Variants in GPC5 observed in about 807,000 individuals in gnomAD.
GPC5 encodes glypican 5.
A neutral mutation model predicts 53.9 loss-of-function variants in GPC5; 47 were observed. The observed-to-expected ratio is 0.87, with a 90% CI of 0.69 to 1.11. The LOEUF is 1.11. Ranked by LOEUF, GPC5 falls within the 50% of genes most tolerant of loss-of-function variation. The pLI is 0.00. For synonymous variants in GPC5, 286 were observed against 263.3 expected (o/e 1.09, Z -0.84); for missense variants, 748 against 713.1 (o/e 1.05, Z -0.56).
chr13:92,649,631 GA>G (rs1885889661), intron 7 of GPC5, among the ~76,000 whole-genome samples: 1 of 151,906 alleles, frequency 6.6e-6, no homozygotes, highest in African/African-American at 2.4e-5. Context: ...TTTTACTAGA[GA>G]AAAAAGCAAA....
intron 7 of GPC5, among the ~76,000 whole-genome samples, chr13:92,542,213 A>G (rs1881953269): frequency 6.6e-6 from 1 of 151,938 alleles, no homozygotes; most frequent in Non-Finnish European, 1.5e-5. Context: ...TCTCCCACCT[A>G]TTTGAAAATA....
At chr13:91,563,887 G>C (rs538106907) in intron 2 of GPC5, among the ~76,000 whole-genome samples, 2 of 151,968 alleles carry the variant, frequency 1.3e-5, no homozygotes, top group Non-Finnish European at 2.9e-5. Context: ...CCGGAGGACC[G>C]GGGAGGAGGG....
intron 7 of GPC5, among the ~76,000 whole-genome samples, chr13:92,431,434 T>A (rs2139374365): frequency 1.3e-5 from 2 of 149,930 alleles, no homozygotes; most frequent in Middle Eastern, 7.0e-3. Flanking sequence ...AAAGTCTCTG[T>A]GAAGAGGTAA....
At chr13:92,531,697 C>T (rs1420060559) in intron 7 of GPC5, among the ~76,000 whole-genome samples, 2 of 152,150 alleles carry the variant, frequency 1.3e-5, no homozygotes, top group African/African-American at 4.8e-5. Context: ...CATAGGATTC[C>T]ATTGCCTCTG....
chr13:91,792,805 G>A (rs760202627), intron 5 of GPC5, among the ~76,000 whole-genome samples: 21 of 152,138 alleles, frequency 1.4e-4, no homozygotes, highest in Non-Finnish European at 2.6e-4. Context: ...TGTATAAAAT[G>A]CATGTGGTTG....
chr13:91,631,894 T>C (rs930014553), intron 2 of GPC5, among the ~76,000 whole-genome samples: 11 of 152,032 alleles, frequency 7.2e-5, no homozygotes, highest in African/African-American at 2.7e-4. Context: ...CCTGGAGAGA[T>C]AGGAAAGGGA....
chr13:92,778,523 A>G (rs1224978986), intron 7 of GPC5, among the ~76,000 whole-genome samples: 1 of 152,228 alleles, frequency 6.6e-6, no homozygotes, highest in Non-Finnish European at 1.5e-5. Context: ...TAAGAAACAG[A>G]TAACATGTAC....
chr13:92,334,414 A>G (rs2043308612), intron 7 of GPC5, among the ~76,000 whole-genome samples: 1 of 152,156 alleles, frequency 6.6e-6, no homozygotes. Flanking sequence ...ACACATGGGG[A>G]TTAAGGGAGC....
intron 7 of GPC5, among the ~76,000 whole-genome samples, chr13:92,363,653 C>T (rs921065509): frequency 5.3e-5 from 8 of 151,664 alleles, no homozygotes; most frequent in African/African-American, 2.0e-4. Context: ...TTGGGGGACC[C>T]ATACCCTAGA....
intron 5 of GPC5, among the ~76,000 whole-genome samples, chr13:91,891,741 C>T (rs990394495): frequency 2.0e-5 from 3 of 152,112 alleles, no homozygotes; most frequent in African/African-American, 7.2e-5. Context: ...TACTTTATCT[C>T]ATGTGGTTAA....
intron 7 of GPC5, among the ~76,000 whole-genome samples, chr13:92,847,530 C>A (rs550241623): frequency 6.6e-6 from 1 of 152,058 alleles, no homozygotes; most frequent in Non-Finnish European, 1.5e-5. Context: ...CTTCTCCAGC[C>A]ATGTACCTAC....
intron 3 of GPC5, among the ~76,000 whole-genome samples, chr13:91,716,936 G>A (rs1320368362): frequency 2.0e-5 from 3 of 152,208 alleles, no homozygotes; most frequent in African/African-American, 7.2e-5. Flanking sequence ...TCTGGGGACT[G>A]GGAGAGGGAT....
intron 7 of GPC5, among the ~76,000 whole-genome samples, chr13:92,322,669 ATATCT>A (rs1222546468): frequency 6.6e-6 from 1 of 152,180 alleles, no homozygotes; most frequent in African/African-American, 2.4e-5. Context: ...ATGTAATGAA[ATATCT>A]TAAGTAGAAA....
At chr13:92,761,492 G>C (rs1875173099) in intron 7 of GPC5, among the ~76,000 whole-genome samples, 1 of 152,048 alleles carries the variant, frequency 6.6e-6, no homozygotes, top group African/African-American at 2.4e-5. Flanking sequence ...CTATTTTCTG[G>C]TGTCTTTAAT....
chr13:92,339,984 G>T (rs1443085956), intron 7 of GPC5: 2 of 150,488 alleles, frequency 1.3e-5, no homozygotes, highest in Admixed American at 1.3e-4. Flanking sequence ...CAGGGTATCT[G>T]TACCTATGAA....
chr13:91,566,286 C>T (rs2031522728), intron 2 of GPC5, among the ~76,000 whole-genome samples: 1 of 152,076 alleles, frequency 6.6e-6, no homozygotes, highest in African/African-American at 2.4e-5. Context: ...AAATTTCTGG[C>T]CGGGCGCGGT....
At chr13:91,726,452 A>G (rs917970567) in intron 3 of GPC5, among the ~76,000 whole-genome samples, 2 of 152,186 alleles carry the variant, frequency 1.3e-5, no homozygotes, top group Non-Finnish European at 2.9e-5. Context: ...TTTATCTAAA[A>G]AATAAAGCTC....
At chr13:92,535,958 CTG>C (rs975414157) in intron 7 of GPC5, among the ~76,000 whole-genome samples, 3 of 152,038 alleles carry the variant, frequency 2.0e-5, no homozygotes, top group Admixed American at 6.6e-5. Context: ...ACATGAAAAA[CTG>C]TTTGCAAAAA....
At chr13:91,809,897 G>A (rs1410628391) in intron 5 of GPC5, among the ~76,000 whole-genome samples, 2 of 151,752 alleles carry the variant, frequency 1.3e-5, no homozygotes, top group Non-Finnish European at 2.9e-5. Flanking sequence ...TAGTTCATTC[G>A]TTTTTTTGAT....
Sources: allele counts gnomAD v4.1 joint callset (sites outside exome capture counted in the v4.1 genomes callset), GRCh38; gene constraint gnomAD v4.1.1; transcripts MANE v1.5; gene names NCBI Gene and HGNC (gene_info 2026-07-23, HGNC 2026-07-21).